The following ARMC2 variants were observed in gnomAD, a reference collection of about 807,000 sequenced individuals.
ARMC2 encodes the protein armadillo repeat-containing protein 2.
A neutral mutation model predicts 90.3 loss-of-function variants in ARMC2; 67 were observed. The observed-to-expected ratio is 0.74, with a 90% CI of 0.61 to 0.91. The LOEUF is 0.91. ARMC2 is among the 40% of genes least tolerant of loss of function. ARMC2 has a pLI of 0.00. For synonymous variants in ARMC2, 393 were observed against 393.0 expected (o/e 1.00, Z 0.00); for missense variants, 920 against 1,030.9 (o/e 0.89, Z 1.47).
intron 6 of ARMC2, among the ~76,000 whole-genome samples, chr6:108,895,860 C>T (rs1257641964): frequency 6.6e-6 from 1 of 152,072 alleles, no homozygotes; most frequent in Non-Finnish European, 1.5e-5. Context: ...GGAATGGATG[C>T]AGGGAGCCAC....
In ARMC2 at chr6:108,926,014, G is replaced by GA. The variant is rs1439331708; in HGVS notation, c.1351-2068dup. Among the ~76,000 whole-genome samples the GA allele has an allele frequency of 3.9e-5, 6 of 152,196 alleles. No individual in the cohort carries two copies. The East Asian group carries it at 9.7e-4, about 25-fold the overall frequency. On this transcript the variant is annotated intron_variant, in intron 10 of 17. Transcript: ENST00000392644. ...AGGTGAGAATAAGGCCTGAGAAGGAGAAAAAATTGAGATTGAAACAAGAAA... is the reference window on the plus strand; with the variant it reads ...AGGTGAGAATAAGGCCTGAGAAGGAGAAAAAAATTGAGATTGAAACAAGAAA...
Position 108,892,458 on chromosome 6 carries a change from T to TA in ARMC2, c.672-1999dup, listed in dbSNP as rs1019523051. ...ATGATTAAAGGAAGTGTTAAGTGTT[T>TA]AAAAAAAAAATGGGGTGGCTGGTGG... is the stretch of plus-strand genomic sequence containing the variant. On this transcript the variant is annotated intron_variant, in intron 5 of 17. Coordinates refer to ENST00000392644, the MANE Select transcript of ARMC2 (RefSeq NM_032131.6). Among the ~76,000 whole-genome samples, 272 of 149,690 alleles carry TA rather than the reference T, an allele frequency of 1.8e-3. 3 individuals are homozygous for TA. The highest frequency in any genetic ancestry group is 5.9e-3 in the African/African-American group (242 of 40,842).
At chr6:108,986,742 T>G in the ARMC2 span, 1 of 152,226 alleles carries the variant, frequency 6.6e-6, no homozygotes, top group Non-Finnish European at 1.5e-5. Flanking sequence ...ACTTTGGTGC[T>G]GGAAACACAA....
At chr6:109,001,076 A>G in the ARMC2 span, among the ~76,000 whole-genome samples, 1 of 152,144 alleles carries the variant, frequency 6.6e-6, no homozygotes, top group Admixed American at 6.6e-5. Flanking sequence ...TTTAATGAAG[A>G]ATGGTTCTCA....
At chr6:109,006,346 T>C in the ARMC2 span, among the ~76,000 whole-genome samples, 4 of 152,210 alleles carry the variant, frequency 2.6e-5, no homozygotes, top group East Asian at 1.9e-4. Context: ...ATGTGCACAA[T>C]GTGCAGGTTT....
chr6:108,918,249 A>T (rs1184344201), intron 10 of ARMC2, among the ~76,000 whole-genome samples: 1 of 152,112 alleles, frequency 6.6e-6, no homozygotes, highest in Non-Finnish European at 1.5e-5. Flanking sequence ...AATGAAGGGC[A>T]ATGTACAAGA....
In ARMC2 at chr6:108,944,742, T is replaced by A. The variant is rs1342658139; in HGVS notation, c.1596+7743T>A. 2.0e-5 allele frequency among the ~76,000 whole-genome samples: 3 copies of A among 152,198 alleles called. No homozygotes were observed. The East Asian group carries it at 5.8e-4, about 29-fold the overall frequency. On this transcript the variant is annotated intron_variant, in intron 12 of 17. Coordinates refer to ENST00000392644, the MANE Select transcript of ARMC2 (RefSeq NM_032131.6). Reference sequence around the variant, plus strand: ...AATATGGTCCGCTTTACACCCCCTCTGTTTGCATAATGGCCCTCAGTGAAG... The same window carrying A: ...AATATGGTCCGCTTTACACCCCCTCAGTTTGCATAATGGCCCTCAGTGAAG...
At chr6:108,934,321 A>G (rs1255987850) in intron 11 of ARMC2, among the ~76,000 whole-genome samples, 1 of 152,188 alleles carries the variant, frequency 6.6e-6, no homozygotes, top group Non-Finnish European at 1.5e-5. Flanking sequence ...GCATTTTCTT[A>G]TTTAAATCTG....
intron 3 of ARMC2, among the ~76,000 whole-genome samples, chr6:108,863,381 CTGATT>C (rs1775482023): frequency 6.6e-6 from 1 of 152,174 alleles, no homozygotes; most frequent in Non-Finnish European, 1.5e-5. Context: ...CCATGTCCGC[CTGATT>C]TGTTGTCTTT....
At chr6:109,022,661 G>A in the ARMC2 span, among the ~76,000 whole-genome samples, 11 of 151,792 alleles carry the variant, frequency 7.2e-5, no homozygotes, top group South Asian at 2.1e-4. Flanking sequence ...TGATCTGTCC[G>A]CCTCGGCCTC....
At chr6:109,045,479 T>A in the ARMC2 span, among the ~76,000 whole-genome samples, 1 of 152,200 alleles carries the variant, frequency 6.6e-6, no homozygotes, top group Non-Finnish European at 1.5e-5. Flanking sequence ...TCAGATTGCA[T>A]CTCTGCCTAT....
intron 9 of ARMC2, among the ~76,000 whole-genome samples, chr6:108,912,086 A>G (rs1373582325): frequency 2.0e-5 from 3 of 152,196 alleles, no homozygotes; most frequent in African/African-American, 7.2e-5. Flanking sequence ...GAATGACATT[A>G]ATTAAAAGAA....
At chr6:108,865,223 T>TC (rs1221185892) in intron 3 of ARMC2, among the ~76,000 whole-genome samples, 3 of 151,948 alleles carry the variant, frequency 2.0e-5, no homozygotes, top group Non-Finnish European at 4.4e-5. Context: ...CCTCAGGTGA[T>TC]CCCCCCGCCT....
the ARMC2 span, among the ~76,000 whole-genome samples, chr6:109,027,399 C>G: frequency 6.8e-6 from 1 of 146,066 alleles, no homozygotes; most frequent in Non-Finnish European, 1.5e-5. Flanking sequence ...ATTGCTTGAA[C>G]CAGGGAGGTG....
chr6:108,908,064 G>A (rs539746171), intron 8 of ARMC2, among the ~76,000 whole-genome samples: 1 of 152,190 alleles, frequency 6.6e-6, no homozygotes, highest in Non-Finnish European at 1.5e-5. Context: ...TTCCACAACA[G>A]TGTTTCCCAG....
chr6:108,921,196 A>T (rs1774531479), intron 10 of ARMC2, among the ~76,000 whole-genome samples: 1 of 152,188 alleles, frequency 6.6e-6, no homozygotes, highest in African/African-American at 2.4e-5. Context: ...TATGATATTC[A>T]AAATTTCTCC....
the ARMC2 span, among the ~76,000 whole-genome samples, chr6:109,039,816 T>C: frequency 2.6e-5 from 4 of 152,318 alleles, no homozygotes; most frequent in Admixed American, 1.3e-4. Context: ...TTAACTAGAG[T>C]CTTGTTCATA....
the ARMC2 span, chr6:108,998,922 A>C: frequency 3.3e-6 from 2 of 611,862 alleles, no homozygotes; most frequent in Non-Finnish European, 5.4e-6. Flanking sequence ...TTTTATGAAT[A>C]TGCATTCACA....
At chr6:108,849,824 G>C (rs757201509) in intron 1 of ARMC2, among the ~76,000 whole-genome samples, 1 of 152,240 alleles carries the variant, frequency 6.6e-6, no homozygotes, top group Non-Finnish European at 1.5e-5. Context: ...CTGATGCTTA[G>C]AGATATTAGA....
Sources: gnomAD v4.1 joint callset for allele counts (sites outside exome capture counted in the v4.1 genomes callset) on GRCh38, gnomAD v4.1.1 for gene constraint, MANE v1.5 for transcripts, NCBI Gene and HGNC (gene_info 2026-07-23, HGNC 2026-07-21) for gene names.